Variants in GPHN observed in about 807,000 individuals in gnomAD.
The protein encoded by GPHN is gephyrin.
Under a neutral mutation model 95.5 loss-of-function variants are expected in GPHN, and 17 were observed. That is an observed-to-expected ratio of 0.18 (90% CI 0.12 to 0.27). The LOEUF (loss-of-function observed/expected upper bound fraction) is 0.27. Ranked by LOEUF, GPHN falls within the 10% of genes least tolerant of loss-of-function variation. The pLI is 1.00. For synonymous variants in GPHN, 320 were observed against 322.5 expected (o/e 0.99, Z 0.08); for missense variants, 660 against 978.1 (o/e 0.67, Z 4.34).
chr14:67,639,548 A>G, the GPHN span, among the ~76,000 whole-genome samples: 1 of 152,106 alleles, frequency 6.6e-6, no homozygotes, highest in African/African-American at 2.4e-5. Context: ...TAAGAACCTA[A>G]TGGTTGATGT....
At chr14:67,478,423 G>A in the GPHN span, among the ~76,000 whole-genome samples, 4 of 152,176 alleles carry the variant, frequency 2.6e-5, no homozygotes, top group Non-Finnish European at 5.9e-5. Context: ...TCTGGTTCAC[G>A]CCCTCATCAT....
chr14:66,743,745 A>AAAC (rs762075047), intron 2 of GPHN, among the ~76,000 whole-genome samples: 4 of 152,158 alleles, frequency 2.6e-5, no homozygotes, highest in Admixed American at 6.5e-5. Context: ...CCATCTCAAA[A>AAAC]AACAACAACA....
intron 18 of GPHN, among the ~76,000 whole-genome samples, chr14:67,146,771 T>C (rs112538490): frequency 0.066 from 10,052 of 152,338 alleles, 352 homozygotes; most frequent in Middle Eastern, 0.085. Context: ...CGTTGGCTCA[T>C]GCCTATAATC....
chr14:67,123,099 T>C (rs547198536), intron 17 of GPHN, among the ~76,000 whole-genome samples: 1 of 152,328 alleles, frequency 6.6e-6, no homozygotes, highest in Non-Finnish European at 1.5e-5. Flanking sequence ...CACCTGCTTT[T>C]AGTAATACTC....
intron 1 of GPHN, among the ~76,000 whole-genome samples, chr14:66,592,257 T>C (rs878908197): frequency 6.6e-6 from 1 of 152,014 alleles, no homozygotes; most frequent in Non-Finnish European, 1.5e-5. Context: ...GGACTTCATG[T>C]CTAAAACACC....
chr14:67,546,924 A>C, the GPHN span, among the ~76,000 whole-genome samples: 1 of 152,286 alleles, frequency 6.6e-6, no homozygotes, highest in East Asian at 1.9e-4. Context: ...TTCATAATAA[A>C]TGTTTTAGAG....
intron 1 of GPHN, among the ~76,000 whole-genome samples, chr14:66,629,151 A>ATATAAATATG (rs2063655607): frequency 8.5e-6 from 1 of 117,754 alleles, no homozygotes; most frequent in Non-Finnish European, 1.7e-5. Flanking sequence ...TTATATACAT[A>ATATAAATATG]TATAAATATG....
At chr14:66,517,434 A>C (rs980766299) in intron 1 of GPHN, among the ~76,000 whole-genome samples, 2 of 152,020 alleles carry the variant, frequency 1.3e-5, no homozygotes, top group Non-Finnish European at 2.9e-5. Flanking sequence ...AGAAATAGGG[A>C]AAAAAAAGTT....
chr14:66,558,774 C>A (rs1021885242), intron 1 of GPHN, among the ~76,000 whole-genome samples: 6 of 150,994 alleles, frequency 4.0e-5, no homozygotes, highest in South Asian at 2.1e-4. Context: ...TTTAGGGTAC[C>A]TGTGCACAAT....
the GPHN span, chr14:67,674,501 C>T: frequency 4.8e-4 from 763 of 1,583,076 alleles, 1 homozygote; most frequent in Non-Finnish European, 6.3e-4. Flanking sequence ...GCGCAGGCCG[C>T]GCTGGAGCAG....
the GPHN span, among the ~76,000 whole-genome samples, chr14:67,512,957 C>T: frequency 1.2e-4 from 18 of 152,300 alleles, no homozygotes; most frequent in African/African-American, 4.3e-4. Context: ...TAAAATGACA[C>T]CTTTCCCTTT....
chr14:66,881,627 T>C (rs967311089), intron 5 of GPHN, among the ~76,000 whole-genome samples: 2 of 151,908 alleles, frequency 1.3e-5, no homozygotes, highest in Admixed American at 1.3e-4. Context: ...TTCTTGCAAC[T>C]GTTAAGATAA....
intron 11 of GPHN, among the ~76,000 whole-genome samples, chr14:67,067,308 A>G (rs143605594): frequency 7.9e-4 from 120 of 152,236 alleles, no homozygotes; most frequent in Admixed American, 1.2e-3. Context: ...TTGCTGCCTG[A>G]TGCTTCCTCT....
chr14:67,550,064 G>A, the GPHN span, among the ~76,000 whole-genome samples: 2 of 151,602 alleles, frequency 1.3e-5, no homozygotes, highest in African/African-American at 4.8e-5. Flanking sequence ...CCACAGACAA[G>A]ACTTGGAGCC....
At chr14:67,572,419 G>C in the GPHN span, 2 of 645,730 alleles carry the variant, frequency 3.1e-6, no homozygotes, top group South Asian at 1.9e-5. Flanking sequence ...GCGTGGGCTG[G>C]GGGGGTGTAC....
the GPHN span, among the ~76,000 whole-genome samples, chr14:67,324,814 G>T: frequency 6.6e-6 from 1 of 151,304 alleles, no homozygotes; most frequent in Non-Finnish European, 1.5e-5. Flanking sequence ...TGAACTCCTG[G>T]CCTCAAGAAA....
chr14:66,734,436 G>A (rs374693346), intron 2 of GPHN, among the ~76,000 whole-genome samples: 3 of 152,068 alleles, frequency 2.0e-5, no homozygotes, highest in Non-Finnish European at 2.9e-5. Flanking sequence ...TTTTTCTCCA[G>A]TTTTTTACTT....
the GPHN span, chr14:67,646,820 C>A: frequency 7.0e-7 from 1 of 1,422,710 alleles, no homozygotes; most frequent in Non-Finnish European, 9.9e-7. Flanking sequence ...TTAACTTGGT[C>A]TATTGCAGGT....
chr14:67,529,563 G>A, the GPHN span, among the ~76,000 whole-genome samples: 72 of 151,910 alleles, frequency 4.7e-4, no homozygotes, highest in African/African-American at 1.4e-3. Context: ...ACATATACAC[G>A]CTCACACACA....
Sources: allele counts gnomAD v4.1 joint callset (sites outside exome capture counted in the v4.1 genomes callset), GRCh38; gene constraint gnomAD v4.1.1; transcripts MANE v1.5; gene names NCBI Gene and HGNC (gene_info 2026-07-23, HGNC 2026-07-21).